MEF2C: variants seen among roughly 807,000 people sequenced by gnomAD.
MEF2C encodes myocyte enhancer factor 2C.
MEF2C carries 6 observed loss-of-function variants against 50.5 expected under a neutral mutation model. The observed-to-expected ratio is 0.12, with a 90% CI of 0.07 to 0.23. MEF2C has a LOEUF of 0.23. Among genes scored for constraint, MEF2C ranks in the 10% least tolerant of loss-of-function variants. The pLI, the probability that MEF2C is intolerant of heterozygous loss-of-function variation, is 1.00. For synonymous variants in MEF2C, 183 were observed against 228.0 expected (o/e 0.80, Z 1.78); for missense variants, 276 against 605.0 (o/e 0.46, Z 5.70).
At chr5:88,790,235 T>C (rs1793088482) in intron 3 of MEF2C, among the ~76,000 whole-genome samples, 1 of 152,234 alleles carries the variant, frequency 6.6e-6, no homozygotes, top group Non-Finnish European at 1.5e-5. Flanking sequence ...GAACCTGTTT[T>C]ATAGCATGAT....
In MEF2C at chr5:88,717,721, C is replaced by A. The variant is rs1755124539; in HGVS notation, c.*4883G>T. 6.6e-6 allele frequency: 1 copy of A among 152,048 alleles called. No individual in the cohort carries two copies. Among genetic ancestry groups the A allele is most frequent in the South Asian group, 2.1e-4 (1 of 4,820 alleles). 9.4% of individuals were successfully genotyped at this position (152,048 alleles called of 1,614,324 possible). On this transcript the variant is annotated 3_prime_UTR_variant, in exon 11 of 11. Coordinates refer to ENST00000504921, the MANE Select transcript of MEF2C (RefSeq NM_002397.5). ...TATCAATCTTTTTAAGGACATTCCC[C>A]TTTAGAGATTATTATTGAATGTTAA...
At chr5:88,734,417 G>A (rs1182050975) in intron 6 of MEF2C, 8 of 985,130 alleles carry the variant, frequency 8.1e-6, no homozygotes, top group East Asian at 1.1e-4. Flanking sequence ...ACCCCAGCTC[G>A]GTAGATGCCG....
Position 88,856,132 on chromosome 5 carries a change from A to C in MEF2C, c.-143+26823T>G, listed in dbSNP as rs991467020. On this transcript the variant is annotated intron_variant, in intron 1 of 10. Coordinates refer to ENST00000504921, the MANE Select transcript of MEF2C (RefSeq NM_002397.5). ...AGAAACTTGTTGGGAACTGGTGTAA[A>C]GGTAACTCCTGCCATGTTTTAGCAA... Among the ~76,000 whole-genome samples the C allele has an allele frequency of 2.0e-5, 3 of 152,192 alleles. No homozygotes were observed. The South Asian group carries it at 6.2e-4, about 31-fold the overall frequency.
At chr5:88,900,869 T>A (rs1308500615) in intron 1 of MEF2C, among the ~76,000 whole-genome samples, 1 of 152,004 alleles carries the variant, frequency 6.6e-6, no homozygotes, top group Non-Finnish European at 1.5e-5. Context: ...GTAAATTTCA[T>A]TTTTGTTCTT....
chr5:88,878,686 CTAAA>C (rs1831877325), intron 1 of MEF2C, among the ~76,000 whole-genome samples: 1 of 151,754 alleles, frequency 6.6e-6, no homozygotes, highest in Non-Finnish European at 1.5e-5. Flanking sequence ...TTTATCTTTT[CTAAA>C]TAGTCTTTCT....
At position 88,869,267 on chromosome 5, in the gene MEF2C, A is replaced by G. The variant is rs908436015; in HGVS notation, c.-143+13688T>C. ...AACTAGTTTTCATATATATATATAT[A>G]TATATATATACATATATATATATAT... is the stretch of plus-strand genomic sequence containing the variant. On this transcript the variant is annotated intron_variant, in intron 1 of 10. Transcript: ENST00000504921. Among the ~76,000 whole-genome samples the G allele has an allele frequency of 2.2e-3, 158 of 70,632 alleles. 2 individuals are homozygous for G. The highest frequency in any genetic ancestry group is 3.8e-3 in the East Asian group (10 of 2,646). 46.3% of individuals were successfully genotyped at this position (70,632 alleles called of 152,430 possible). A position where few individuals can be genotyped will look rare whatever the true frequency, so the allele number is the denominator to read the frequency against.
chr5:88,770,732 CTGTT>C (rs1400365092), intron 3 of MEF2C, among the ~76,000 whole-genome samples: 2 of 152,264 alleles, frequency 1.3e-5, no homozygotes, highest in African/African-American at 2.4e-5. Flanking sequence ...TGTGTTTTGT[CTGTT>C]TGTTTTTGGA....
At chr5:88,767,095 C>A (rs1780381470) in intron 3 of MEF2C, among the ~76,000 whole-genome samples, 2 of 152,182 alleles carry the variant, frequency 1.3e-5, no homozygotes, top group Non-Finnish European at 1.5e-5. Context: ...TTTCCTGACC[C>A]TTTAGTATCT....
At chr5:88,853,935 T>C (rs1285039455) in intron 1 of MEF2C, among the ~76,000 whole-genome samples, 5 of 151,914 alleles carry the variant, frequency 3.3e-5, no homozygotes, top group South Asian at 2.1e-4. Context: ...GACAACATTA[T>C]TGTTATTTCA....
chr5:88,781,052 A>C (rs574238380), intron 3 of MEF2C, among the ~76,000 whole-genome samples: 139 of 152,238 alleles, frequency 9.1e-4, no homozygotes, highest in African/African-American at 3.2e-3. Flanking sequence ...GACTGGACTT[A>C]ATAGAATTAC....
upstream of MEF2C, among the ~76,000 whole-genome samples, chr5:88,886,059 G>A (rs1039465833): frequency 6.6e-5 from 10 of 152,142 alleles, no homozygotes; most frequent in African/African-American, 2.4e-4. Flanking sequence ...TTTGGATCTG[G>A]AATGTATCAC....
At chr5:88,756,080 A>G (rs1775145202) in intron 4 of MEF2C, among the ~76,000 whole-genome samples, 1 of 152,240 alleles carries the variant, frequency 6.6e-6, no homozygotes, top group Non-Finnish European at 1.5e-5. Context: ...AAATTTCAAA[A>G]TTCATAAAAT....
intron 6 of MEF2C, chr5:88,743,301 T>A: frequency 1.0e-6 from 1 of 985,276 alleles, no homozygotes; most frequent in Non-Finnish European, 1.2e-6. Flanking sequence ...TAAACTAAAT[T>A]TTTAACCACT....
At chr5:88,808,811 G>C (rs949120832) in intron 2 of MEF2C, among the ~76,000 whole-genome samples, 4 of 152,056 alleles carry the variant, frequency 2.6e-5, no homozygotes, top group Admixed American at 6.6e-5. Flanking sequence ...CAATAACAAA[G>C]ATTTCAATTC....
At chr5:88,837,452 T>C (rs56224839) in intron 1 of MEF2C, among the ~76,000 whole-genome samples, 4,640 of 152,280 alleles carry the variant, frequency 0.03, 240 homozygotes, top group African/African-American at 0.11. Flanking sequence ...AAAGCAATAC[T>C]GCACAGTGGA....
At chr5:88,737,222 T>C (rs1764492799) in intron 6 of MEF2C, 1 of 985,076 alleles carries the variant, frequency 1.0e-6, no homozygotes, top group Non-Finnish European at 1.2e-6. Context: ...GAGAAAATTT[T>C]ATATTTTAGA....
intron 1 of MEF2C, among the ~76,000 whole-genome samples, chr5:88,866,164 G>A (rs1265146971): frequency 1.3e-5 from 2 of 152,202 alleles, no homozygotes; most frequent in African/African-American, 4.8e-5. Context: ...CCAAAGTGCT[G>A]GGATTACAGG....
intron 3 of MEF2C, among the ~76,000 whole-genome samples, chr5:88,788,265 A>G (rs1791998497): frequency 1.3e-5 from 2 of 151,988 alleles, no homozygotes; most frequent in Admixed American, 1.3e-4. Flanking sequence ...CAGTGGCACA[A>G]TCTCAGTTTA....
At chr5:88,883,706 C>G (rs1489805796), upstream of MEF2C, 1 of 152,082 alleles carries the variant, frequency 6.6e-6, no homozygotes, top group Admixed American at 6.6e-5. Context: ...CAATCCCAAA[C>G]CGTTGACTCT....
Sources: gnomAD v4.1 joint callset for allele counts (sites outside exome capture counted in the v4.1 genomes callset) on GRCh38, gnomAD v4.1.1 for gene constraint, MANE v1.5 for transcripts, NCBI Gene and HGNC (gene_info 2026-07-23, HGNC 2026-07-21) for gene names.